AKT3: variants seen among roughly 807,000 people sequenced by gnomAD.
AKT3 encodes the protein AKT serine/threonine kinase 3.
AKT3 carries 15 observed loss-of-function variants against 65.3 expected under a neutral mutation model. The ratio of observed to expected loss-of-function variants is 0.23; its 90% CI spans 0.15 to 0.35. The LOEUF is 0.35. Ranked by LOEUF, AKT3 falls within the 10% of genes least tolerant of loss-of-function variation. The pLI is 1.00. For synonymous variants in AKT3, 206 were observed against 183.8 expected (o/e 1.12, Z -0.98); for missense variants, 243 against 576.5 (o/e 0.42, Z 5.92).
At chr1:243,515,569 T>A (rs1670299118) in intron 12 of AKT3, among the ~76,000 whole-genome samples, 1 of 152,246 alleles carries the variant, frequency 6.6e-6, no homozygotes, top group Admixed American at 6.5e-5. Context: ...ATCAATCTTA[T>A]ATTCCTAGAA....
chr1:243,552,288 C>CAAAAAAAAAA lies in AKT3; in HGVS notation c.1163+431_1163+440dup, dbSNP rs33995513. On this transcript the variant is annotated intron_variant, in intron 11 of 13. Transcript: ENST00000673466. ...TGGGTGGCAGAGTGAGACTCTGTCT[C>CAAAAAAAAAA]AAAAAAAAAAAAAAAAAAAAAAAAA... is the stretch of plus-strand genomic sequence containing the variant. 2.5e-3 allele frequency among the ~76,000 whole-genome samples: 123 copies of CAAAAAAAAAA among 50,162 alleles called. 27 individuals carry two copies. The highest frequency in any genetic ancestry group is 0.012 in the African/African-American group (118 of 9,964). The allele number at this position is 50,162 out of a possible 152,430, so 32.9% of individuals were successfully genotyped here.
chr1:243,679,846 A>C (rs536103315), intron 3 of AKT3, among the ~76,000 whole-genome samples: 1 of 152,344 alleles, frequency 6.6e-6, no homozygotes, highest in East Asian at 1.9e-4. Context: ...CTAGAGGCAT[A>C]GAAATATCAA....
intron 12 of AKT3, among the ~76,000 whole-genome samples, chr1:243,533,693 T>TA (rs1185916036): frequency 6.6e-6 from 1 of 151,950 alleles, no homozygotes; most frequent in African/African-American, 2.4e-5. Flanking sequence ...GGGCAATGGA[T>TA]AAAAAACTGT....
At chr1:243,685,539 T>G (rs2147990976) in intron 3 of AKT3, among the ~76,000 whole-genome samples, 1 of 152,330 alleles carries the variant, frequency 6.6e-6, no homozygotes, top group South Asian at 2.1e-4. Context: ...TTGGTCTACA[T>G]GTCTGTTTTG....
At chr1:243,701,086 G>A (rs1206377491) in intron 2 of AKT3, among the ~76,000 whole-genome samples, 2 of 152,110 alleles carry the variant, frequency 1.3e-5, no homozygotes, top group Non-Finnish European at 2.9e-5. Flanking sequence ...ATCACATTTT[G>A]ATTTTTTAAA....
rs138796247 is a variant in AKT3 at position 243,733,861 on chromosome 1, G to A, written c.47-38145C>T. Among the ~76,000 whole-genome samples the A allele has an allele frequency of 1.2e-3, 188 of 152,308 alleles. 3 individuals carry two copies. The highest frequency in any genetic ancestry group is 9.6e-4 in the East Asian group (5 of 5,192). ...ATGACACAGATAGACTTGCTCAACA[G>A]AGTTGCCACAAACCTTCAATTTGTA... On this transcript the variant is annotated intron_variant, in intron 2 of 13. Transcript: ENST00000673466.
chr1:243,748,250 A>T (rs1434596362), intron 2 of AKT3, among the ~76,000 whole-genome samples: 1 of 152,122 alleles, frequency 6.6e-6, no homozygotes, highest in Non-Finnish European at 1.5e-5. Context: ...AAAATTGTGG[A>T]TAGGCAGGAA....
chr1:243,648,033 G>A (rs572907164), intron 4 of AKT3, among the ~76,000 whole-genome samples: 35 of 152,154 alleles, frequency 2.3e-4, no homozygotes, highest in African/African-American at 6.5e-4. Context: ...TGAGGTGGGC[G>A]GATTACCTGA....
chr1:243,826,294 C>A (rs1430328123), intron 2 of AKT3, among the ~76,000 whole-genome samples: 1 of 152,172 alleles, frequency 6.6e-6, no homozygotes, highest in Admixed American at 6.5e-5. Context: ...TCCTGGGTAT[C>A]TGATTGAGAA....
At chr1:243,796,705 A>C (rs182410026) in intron 2 of AKT3, among the ~76,000 whole-genome samples, 66 of 152,216 alleles carry the variant, frequency 4.3e-4, no homozygotes, top group Admixed American at 6.5e-4. Flanking sequence ...TTCTTCTTCT[A>C]GTTCTTGCAT....
At chr1:243,600,484 A>T (rs948369364) in intron 8 of AKT3, among the ~76,000 whole-genome samples, 1 of 152,176 alleles carries the variant, frequency 6.6e-6, no homozygotes, top group South Asian at 2.1e-4. Flanking sequence ...ATACAACAGA[A>T]TGCAGAGTCC....
At chr1:243,707,192 T>G (rs1433625028) in intron 2 of AKT3, among the ~76,000 whole-genome samples, 1 of 152,194 alleles carries the variant, frequency 6.6e-6, no homozygotes, top group Non-Finnish European at 1.5e-5. Flanking sequence ...GTACCTAATA[T>G]GTACAATATG....
intron 13 of AKT3, among the ~76,000 whole-genome samples, chr1:243,508,919 G>A (rs556734562): frequency 1.3e-5 from 2 of 151,998 alleles, no homozygotes; most frequent in African/African-American, 2.4e-5. Context: ...TGATCCACCC[G>A]CCTTGGCCTC....
At chr1:243,665,440 A>G (rs1262298853) in intron 3 of AKT3, among the ~76,000 whole-genome samples, 1 of 152,146 alleles carries the variant, frequency 6.6e-6, no homozygotes, top group Non-Finnish European at 1.5e-5. Context: ...AAGCTTTTTG[A>G]CAATATAAAC....
At chr1:243,697,508 T>G (rs536275613) in intron 2 of AKT3, among the ~76,000 whole-genome samples, 34 of 152,202 alleles carry the variant, frequency 2.2e-4, no homozygotes, top group Middle Eastern at 6.8e-3. Context: ...AACTTGAAAC[T>G]TTTAACAATG....
chr1:243,631,572 A>G (rs541514548), intron 6 of AKT3, among the ~76,000 whole-genome samples: 15 of 152,222 alleles, frequency 9.9e-5, no homozygotes, highest in Non-Finnish European at 1.9e-4. Context: ...TACAGACATG[A>G]GCCACCATGC....
chr1:243,582,470 A>AC (rs1675448007), intron 8 of AKT3, among the ~76,000 whole-genome samples: 1 of 123,688 alleles, frequency 8.1e-6, no homozygotes, highest in African/African-American at 2.8e-5. Context: ...AAAAAAAAAA[A>AC]AGAAATTCCA....
chr1:243,691,726 G>A (rs754291217), intron 3 of AKT3, among the ~76,000 whole-genome samples: 6 of 152,154 alleles, frequency 3.9e-5, no homozygotes, highest in South Asian at 2.1e-4. Flanking sequence ...ATCTTAGGAC[G>A]TACCTGGTCA....
chr1:243,847,635 C>T (rs1200041188), intron 1 of AKT3, among the ~76,000 whole-genome samples: 1 of 152,120 alleles, frequency 6.6e-6, no homozygotes, highest in East Asian at 1.9e-4. Context: ...AGTCTCTATG[C>T]TAAGTCCATT....
Sources: gnomAD v4.1 joint callset for allele counts (sites outside exome capture counted in the v4.1 genomes callset) on GRCh38, gnomAD v4.1.1 for gene constraint, MANE v1.5 for transcripts, NCBI Gene and HGNC (gene_info 2026-07-23, HGNC 2026-07-21) for gene names.